The following TAOK2 variants were observed in gnomAD, a reference collection of about 807,000 sequenced individuals.
TAOK2 encodes the protein TAO kinase 2, also known as serine/threonine-protein kinase TAO2.
A neutral mutation model predicts 122.5 loss-of-function variants in TAOK2; 42 were observed. The observed-to-expected ratio is 0.34, with a 90% CI of 0.27 to 0.44. The LOEUF (loss-of-function observed/expected upper bound fraction) is 0.44. Ranked by LOEUF, TAOK2 falls within the 20% of genes least tolerant of loss-of-function variation. TAOK2 has a pLI of 1.00. For synonymous variants in TAOK2, 704 were observed against 677.6 expected (o/e 1.04, Z -0.61); for missense variants, 1,264 against 1,644.9 (o/e 0.77, Z 4.01).
Position 29,983,675 on chromosome 16 carries a change from C to T in TAOK2, c.1422+11C>T. 6 of 1,602,966 alleles carry T rather than the reference C, an allele frequency of 3.7e-6. No individual in the cohort carries two copies. The highest frequency in any genetic ancestry group is 5.1e-6 in the Non-Finnish European group (6 of 1,174,032). ...CGAACCGCCTCCCTGGTGAGTGTAG[C>T]CATCCTCACTCAGCCTGCTCGCTGT... On this transcript the variant is annotated intron_variant, in intron 13 of 15. Coordinates refer to ENST00000308893, the MANE Select transcript of TAOK2 (RefSeq NM_016151.4).
At position 29,987,778 on chromosome 16, in the gene TAOK2, C is replaced by G; in HGVS notation, c.3506C>G (p.Ala1169Gly). The change falls in exon 16 of 16, where the codon GCA becomes GGA. Residue 1169 changes from alanine (A) to glycine (G), a missense_variant. Ala to Gly is a moderately conservative substitution (Grantham distance 60). Around this residue, in one of 4 missense-constraint regions of TAOK2, gnomAD observed 824 missense variants for 908.7 expected, o/e 0.91. Transcript: ENST00000308893. ...WRLARASQGL[A>G]SHLPPWAIHT... ...CTGGCACGGGCCAGCCAGGGTTTAG[C>G]ATCCCACTTGCCCCCGTGGGCCATC... is the stretch of plus-strand genomic sequence containing the variant. 2 of 1,613,970 alleles carry G rather than the reference C, an allele frequency of 1.2e-6. No homozygotes were observed. The highest frequency in any genetic ancestry group is 1.7e-6 in the Non-Finnish European group (2 of 1,179,930).
downstream of TAOK2, chr16:29,991,810 C>T: frequency 2.3e-6 from 1 of 427,486 alleles, no homozygotes; most frequent in Non-Finnish European, 4.1e-6. This position sits in a 1 kb window ranked among gnomAD's most constrained non-coding sequence, Gnocchi z 5.6. Flanking sequence ...AGGGGTCTCC[C>T]TCCGCCACCT....
intron 13 of TAOK2, among the ~76,000 whole-genome samples, chr16:29,984,242 T>C (rs527610057): frequency 8.5e-5 from 13 of 152,292 alleles, no homozygotes; most frequent in Non-Finnish European, 1.6e-4. Flanking sequence ...TAAGATCCCA[T>C]TGGAGAAATG....
rs752404075 is a variant in TAOK2, at chr16:29,987,133, G to C, written c.2861G>C (p.Gly954Ala). 1 of 1,595,432 alleles carries C rather than the reference G, an allele frequency of 6.3e-7. No individual in the cohort carries two copies. Among genetic ancestry groups the C allele is most frequent in the South Asian group, 1.1e-5 (1 of 88,202 alleles). Residue 954 changes from glycine (G) to alanine (A), a missense_variant, in exon 16 of 16, where the codon GGC becomes GCC. By Grantham distance (60) the Gly-to-Ala change is moderately conservative. Coordinates refer to ENST00000308893, the MANE Select transcript of TAOK2 (RefSeq NM_016151.4). ...PGLLSHGLLAGLSFAVGSSSG... is the reference protein window; with the variant it reads ...PGLLSHGLLAALSFAVGSSSG... ...CTCCTGTCCCATGGCCTCCTGGCCG[G>C]CCTCTCCTTTGCAGTGGGGTCCTCC...
chr16:29,985,913 C>T lies in TAOK2; in HGVS notation c.1992+52C>T, dbSNP rs1357971514. ...CCCGCTCACTCGTGGATCCCAGGGA[C>T]CCACCCTTTTCCATTTTCCTCATTC... On this transcript the variant is annotated intron_variant, in intron 15 of 15. Coordinates refer to ENST00000308893, the MANE Select transcript of TAOK2 (RefSeq NM_016151.4). This position sits in a 1 kb window ranked among gnomAD's most constrained non-coding sequence, Gnocchi z 6.9. The T allele has an allele frequency of 1.3e-6, 2 of 1,562,376 alleles. No individual in the cohort carries two copies. The highest frequency in any genetic ancestry group is 1.4e-5 in the African/African-American group (1 of 73,814).
Position 29,988,096 on chromosome 16 carries a change from C to T in TAOK2, c.*116C>T. On this transcript the variant is annotated 3_prime_UTR_variant, in exon 16 of 16. Transcript: ENST00000308893. ...TTTCACCCACCTTCCTCAGTTTGCT[C>T]ACTTACCCCAGGCCCAGCCCTTCGG... is the stretch of plus-strand genomic sequence containing the variant. The T allele has an allele frequency of 7.0e-7, 1 of 1,435,886 alleles. No homozygotes were observed. The highest frequency in any genetic ancestry group is 9.1e-7 in the Non-Finnish European group (1 of 1,099,850). 88.9% of individuals were successfully genotyped at this position (1,435,886 alleles called of 1,614,324 possible). A position where few individuals can be genotyped will look rare whatever the true frequency, so the allele number is the denominator to read the frequency against.
intron 1 of TAOK2, among the ~76,000 whole-genome samples, chr16:29,975,576 T>C (rs1443479008): frequency 6.6e-6 from 1 of 152,210 alleles, no homozygotes; most frequent in Non-Finnish European, 1.5e-5. Context: ...GATGGGAGCC[T>C]CTGGCTTTTG....
Position 29,983,636 on chromosome 16 carries a change from A to G in TAOK2, c.1394A>G (p.His465Arg). 1 of 1,612,784 alleles carries G rather than the reference A, an allele frequency of 6.2e-7. No individual in the cohort carries two copies. Among genetic ancestry groups the G allele is most frequent in the Non-Finnish European group, 8.5e-7 (1 of 1,179,802 alleles). The change falls in exon 13 of 16, where the codon CAC becomes CGC. Residue 465 changes from histidine (H) to arginine (R), a missense_variant. His to Arg is a conservative substitution (Grantham distance 29, BLOSUM62 0). Coordinates refer to ENST00000308893, the MANE Select transcript of TAOK2 (RefSeq NM_016151.4). Reference protein sequence around the residue: ...RRRAYCRNRDHFATIRTASLV... With the variant: ...RRRAYCRNRDRFATIRTASLV... ...CGGGCCTACTGCCGTAACCGAGACC[A>G]CTTTGCCACCATCCGAACCGCCTCC... is the stretch of plus-strand genomic sequence containing the variant.
rs777936445 is a variant in TAOK2, at chr16:29,986,370, C to T, written c.2098C>T (p.Arg700Cys). Residue 700 changes from arginine (R) to cysteine (C), a missense_variant, in exon 16 of 16, where the codon CGC becomes TGC. Arg to Cys is a radical substitution (Grantham distance 180). Around this residue, in one of 4 missense-constraint regions of TAOK2, gnomAD observed 824 missense variants for 908.7 expected, o/e 0.91. Coordinates refer to ENST00000308893, the MANE Select transcript of TAOK2 (RefSeq NM_016151.4). This position sits in a 1 kb window ranked among gnomAD's most constrained non-coding sequence, Gnocchi z 4.2. The stretch of plus-strand genomic sequence containing the variant: ...GCTGCGGCAGCTCCAGGCCGTGCAG[C>T]GCACGCGGGCTGAGCTCACCCGCCT... ...LELRQLQAVQ[R>C]TRAELTRLQH... The T allele has an allele frequency of 1.1e-5, 17 of 1,605,610 alleles. No individual in the cohort carries two copies. The highest frequency in any genetic ancestry group is 3.3e-4 in the Middle Eastern group (2 of 6,052).
chr16:29,985,933 T>G lies in TAOK2; in HGVS notation c.1992+72T>G. The G allele has an allele frequency of 6.6e-7, 1 of 1,521,356 alleles. No individual in the cohort carries two copies. Among genetic ancestry groups the G allele is most frequent in the Non-Finnish European group, 8.9e-7 (1 of 1,119,302 alleles). The allele number at this position is 1,521,356 out of a possible 1,614,324, so 94.2% of individuals were successfully genotyped here. A position where few individuals can be genotyped will look rare whatever the true frequency, so the allele number is the denominator to read the frequency against. On this transcript the variant is annotated intron_variant, in intron 15 of 15. Transcript: ENST00000308893. This position sits in a 1 kb window ranked among gnomAD's most constrained non-coding sequence, Gnocchi z 6.9. ...AGGGACCCACCCTTTTCCATTTTCC[T>G]CATTCTTGTCTTCTTTCTCCTTGGC...
chr16:29,978,662 C>A lies in TAOK2; in HGVS notation c.307-137C>A, dbSNP rs535775744. The A allele has an allele frequency of 4.3e-6, 4 of 938,512 alleles. No homozygotes were observed. In the Admixed American group the frequency reaches 8.3e-5, roughly 20 times the overall value. The allele number at this position is 938,512 out of a possible 1,614,324, so 58.1% of individuals were successfully genotyped here. On this transcript the variant is annotated intron_variant, in intron 4 of 15. Coordinates refer to ENST00000308893, the MANE Select transcript of TAOK2 (RefSeq NM_016151.4). ...CCAGACTCTAGAAACTCTCCCACCA[C>A]CCCCTCATTGTCTCCAGTTGCGCTT...
chr16:29,986,350 G>A lies in TAOK2; in HGVS notation c.2078G>A (p.Arg693Gln), dbSNP rs755472068. Residue 693 changes from arginine (R) to glutamine (Q), a missense_variant, in exon 16 of 16, where the codon CGG (arginine) becomes CAG (glutamine). Physicochemically the swap from Arg to Gln is conservative, Grantham distance 43. Transcript: ENST00000308893. This position sits in a 1 kb window ranked among gnomAD's most constrained non-coding sequence, Gnocchi z 4.2. The stretch of plus-strand genomic sequence containing the variant: ...GAGGCCACGCGGGAGCTGGAGCTGC[G>A]GCAGCTCCAGGCCGTGCAGCGCACG... ...QHEATRELEL[R>Q]QLQAVQRTRA... is the part of the protein sequence containing the mutation. 9.5e-6 allele frequency: 15 copies of A among 1,585,876 alleles called. No individual in the cohort carries two copies. Among genetic ancestry groups the A allele is most frequent in the East Asian group, 4.5e-5 (2 of 44,372 alleles).
At chr16:29,977,717 G>A in intron 1 of TAOK2, 21 bp from the exon 2 acceptor site, 1 of 1,600,832 alleles carries the variant, frequency 6.2e-7, no homozygotes, top group Non-Finnish European at 8.5e-7. Context: ...GATCTCTAAG[G>A]GTCCCATTTC....
At chr16:29,991,484 T>C, downstream of TAOK2, 1 of 1,481,658 alleles carries the variant, frequency 6.7e-7, no homozygotes, top group Non-Finnish European at 9.0e-7. This position sits in a 1 kb window ranked among gnomAD's most constrained non-coding sequence, Gnocchi z 5.6. Context: ...TGGGCCCCCC[T>C]GCTGCCGCGG....
downstream of TAOK2, chr16:29,989,543 C>A (rs766015877): frequency 1.2e-6 from 2 of 1,608,920 alleles, no homozygotes; most frequent in African/African-American, 2.7e-5. Flanking sequence ...TCCTCTTCCT[C>A]CTCCTCTTCC....
chr16:29,979,163 CAT>C lies in TAOK2; in HGVS notation c.450-31_450-30del, dbSNP rs369355810. 7.4e-5 allele frequency: 120 copies of C among 1,611,090 alleles called. 1 individual carries two copies. The African/African-American group carries it at 1.1e-3, about 15-fold the overall frequency. On this transcript the variant is annotated intron_variant, in intron 6 of 15. Transcript: ENST00000308893. The surrounding 1 kb of genome is among the most constrained non-coding windows in gnomAD (Gnocchi z 4.1). ...GCCCCTGCCTAGCTTTCTTGAGACA[CAT>C]GTCTCATCCCTGTACTTTGCCTCTG...
At chr16:29,980,812 C>G (rs905048026) in intron 8 of TAOK2, 3 of 152,156 alleles carry the variant, frequency 2.0e-5, no homozygotes, top group African/African-American at 4.8e-5. Flanking sequence ...ATATATCAGT[C>G]TGATTATAAA....
Position 29,988,020 on chromosome 16 carries a change from C to T in TAOK2, c.*40C>T, listed in dbSNP as rs1306487387. 6.7e-7 allele frequency: 1 copy of T among 1,497,678 alleles called. No individual in the cohort carries two copies. The highest frequency in any genetic ancestry group is 2.3e-5 in the Admixed American group (1 of 44,308). The allele number at this position is 1,497,678 out of a possible 1,614,324, so 92.8% of individuals were successfully genotyped here. Reference sequence around the variant, plus strand: ...TCCAGCCCAAATCTAGAGCATTGAGCACTTTATCTCCCACGACTCAGTGAA... The same window carrying T: ...TCCAGCCCAAATCTAGAGCATTGAGTACTTTATCTCCCACGACTCAGTGAA... On this transcript the variant is annotated 3_prime_UTR_variant, in exon 16 of 16. Transcript: ENST00000308893.
chr16:29,986,802 G>C lies in TAOK2; in HGVS notation c.2530G>C (p.Glu844Gln), dbSNP rs2069812789. 1 of 1,613,904 alleles carries C rather than the reference G, an allele frequency of 6.2e-7. No homozygotes were observed. Among genetic ancestry groups the C allele is most frequent in the Non-Finnish European group, 8.5e-7 (1 of 1,179,874 alleles). The change falls in exon 16 of 16, where the codon GAG (glutamate) becomes CAG (glutamine). Residue 844 changes from glutamate (E) to glutamine (Q), a missense_variant. By Grantham distance (29) the Glu-to-Gln change is conservative (BLOSUM62 2). Coordinates refer to ENST00000308893, the MANE Select transcript of TAOK2 (RefSeq NM_016151.4). The surrounding 1 kb of genome is among the most constrained non-coding windows in gnomAD (Gnocchi z 4.2). ...TGATGAGGAAGTTTGGGGTCTGCCT[G>C]AGGAGATAGAGGAGCTTAGGGTGCC... ...LVDEEVWGLP[E>Q]EIEELRVPSL... is the part of the protein sequence containing the mutation.
Sources: allele counts gnomAD v4.1 joint callset (sites outside exome capture counted in the v4.1 genomes callset), GRCh38; gene constraint gnomAD v4.1.1; regional missense constraint gnomAD v4.1.1; non-coding constraint Gnocchi (gnomAD v3.1); transcripts MANE v1.5; gene names NCBI Gene and HGNC (gene_info 2026-07-23, HGNC 2026-07-21).